The following FGF12 variants were observed in gnomAD, a reference collection of about 807,000 sequenced individuals.
FGF12 encodes fibroblast growth factor 12, also known as fibroblast growth factor 12B.
Under a neutral mutation model 23.6 loss-of-function variants are expected in FGF12, and 14 were observed. The observed-to-expected ratio is 0.59, with a 90% CI of 0.39 to 0.93. The LOEUF (loss-of-function observed/expected upper bound fraction) is 0.93. Ranked by LOEUF, FGF12 falls within the 40% of genes least tolerant of loss-of-function variation. The pLI is 0.00. For synonymous variants in FGF12, 62 were observed against 77.3 expected (o/e 0.80, Z 1.04); for missense variants, 175 against 217.8 (o/e 0.80, Z 1.24).
intron 2 of FGF12, among the ~76,000 whole-genome samples, chr3:192,567,185 C>A (rs535061000): frequency 6.6e-6 from 1 of 152,046 alleles, no homozygotes; most frequent in African/African-American, 2.4e-5. Flanking sequence ...AGACAAAGAT[C>A]AAAACTTTGT....
At chr3:192,442,590 T>A (rs1722231872) in intron 2 of FGF12, among the ~76,000 whole-genome samples, 1 of 152,200 alleles carries the variant, frequency 6.6e-6, no homozygotes, top group South Asian at 2.1e-4. Flanking sequence ...CACATGTTTT[T>A]CTTTGGAGAG....
intron 2 of FGF12, among the ~76,000 whole-genome samples, chr3:192,719,218 G>A (rs1718957444): frequency 6.6e-6 from 1 of 152,134 alleles, no homozygotes; most frequent in Non-Finnish European, 1.5e-5. Context: ...TTCCACCAGT[G>A]TGCATACTAC....
intron 2 of FGF12, among the ~76,000 whole-genome samples, chr3:192,406,826 G>T (rs73889324): frequency 3.3e-5 from 5 of 152,058 alleles, no homozygotes; most frequent in Non-Finnish European, 7.4e-5. Context: ...CCCAAGTGTC[G>T]CCCTTCATCC....
intron 2 of FGF12, among the ~76,000 whole-genome samples, chr3:192,455,981 T>C (rs1184592473): frequency 1.3e-5 from 2 of 152,110 alleles, no homozygotes; most frequent in Non-Finnish European, 2.9e-5. Context: ...GCAGAGGTGG[T>C]CCCCTAAAGC....
intron 2 of FGF12, among the ~76,000 whole-genome samples, chr3:192,720,768 T>G (rs1719015690): frequency 6.6e-6 from 1 of 152,200 alleles, no homozygotes; most frequent in Non-Finnish European, 1.5e-5. Flanking sequence ...CACATGTATG[T>G]GTTATAGTTT....
At chr3:192,209,481 A>G (rs1410868946) in intron 4 of FGF12, among the ~76,000 whole-genome samples, 1 of 152,182 alleles carries the variant, frequency 6.6e-6, no homozygotes, top group Non-Finnish European at 1.5e-5. Context: ...TTAAAGTGAA[A>G]ATTAATCTTA....
intron 4 of FGF12, among the ~76,000 whole-genome samples, chr3:192,294,117 CTT>C (rs765915733): frequency 6.6e-6 from 1 of 152,182 alleles, no homozygotes; most frequent in Non-Finnish European, 1.5e-5. Context: ...CTCATTCTCT[CTT>C]TGCCTGCTGC....
chr3:192,605,579 A>G (rs1422280458), intron 2 of FGF12, among the ~76,000 whole-genome samples: 1 of 152,152 alleles, frequency 6.6e-6, no homozygotes, highest in African/African-American at 2.4e-5. Context: ...GGGAGAAAAT[A>G]TTCACAACTT....
chr3:192,624,938 C>T (rs1715108901), intron 2 of FGF12, among the ~76,000 whole-genome samples: 2 of 152,072 alleles, frequency 1.3e-5, no homozygotes, highest in African/African-American at 2.4e-5. Context: ...TAATAAGAAG[C>T]AAATAGGGTA....
At chr3:192,534,817 C>T (rs1725186592) in intron 2 of FGF12, among the ~76,000 whole-genome samples, 1 of 151,978 alleles carries the variant, frequency 6.6e-6, no homozygotes, top group Non-Finnish European at 1.5e-5. Context: ...TTTAAAATTA[C>T]CGATTTTAGA....
chr3:192,585,145 G>A (rs150207040), intron 2 of FGF12, among the ~76,000 whole-genome samples: 12 of 152,146 alleles, frequency 7.9e-5, no homozygotes, highest in African/African-American at 2.9e-4. Flanking sequence ...AATATTTAAG[G>A]AACAAACTGC....
At chr3:192,268,933 G>A (rs1375837940) in intron 4 of FGF12, among the ~76,000 whole-genome samples, 1 of 151,426 alleles carries the variant, frequency 6.6e-6, no homozygotes, top group Non-Finnish European at 1.5e-5. Flanking sequence ...ATTTTTTTGA[G>A]ATGGAGTCTC....
At chr3:192,303,519 T>C (rs1205657839) in intron 4 of FGF12, among the ~76,000 whole-genome samples, 2 of 152,196 alleles carry the variant, frequency 1.3e-5, no homozygotes, top group African/African-American at 4.8e-5. Flanking sequence ...CAGTGAAGAC[T>C]GTATAGTGCA....
intron 4 of FGF12, among the ~76,000 whole-genome samples, chr3:192,185,901 GC>G (rs1284573808): frequency 3.3e-5 from 5 of 151,116 alleles, no homozygotes; most frequent in Admixed American, 2.6e-4. Context: ...TGGATCAGTA[GC>G]CTAAAAAATA....
chr3:192,333,441 A>G (rs2108696380), intron 4 of FGF12, among the ~76,000 whole-genome samples: 1 of 152,238 alleles, frequency 6.6e-6, no homozygotes, highest in East Asian at 1.9e-4. Context: ...TAATTCTTAC[A>G]TTTAAAATAG....
chr3:192,208,469 T>C (rs2108674616), intron 4 of FGF12, among the ~76,000 whole-genome samples: 1 of 152,330 alleles, frequency 6.6e-6, no homozygotes, highest in East Asian at 1.9e-4. Context: ...TGTCCACAGT[T>C]TCTCATCAGA....
chr3:192,539,325 AT>A lies in FGF12; in HGVS notation c.14-178788del, dbSNP rs545442472. On this transcript the variant is annotated intron_variant, in intron 2 of 5. Coordinates refer to ENST00000445105, the MANE Select transcript of FGF12 (RefSeq NM_004113.6). ...TGATGTATGTTTCTTCTATACCCAGATTTTTTTTAGGGTTTTTGTCATGAAA... is the reference window on the plus strand; with the variant it reads ...TGATGTATGTTTCTTCTATACCCAGATTTTTTTAGGGTTTTTGTCATGAAA... Among the ~76,000 whole-genome samples the A allele has an allele frequency of 1.3e-4, 20 of 151,960 alleles. No homozygotes were observed. In the East Asian group the frequency reaches 2.9e-3, roughly 22 times the overall value.
At chr3:192,715,214 CTACAT>C (rs1258223972) in intron 2 of FGF12, among the ~76,000 whole-genome samples, 1 of 152,172 alleles carries the variant, frequency 6.6e-6, no homozygotes, top group Non-Finnish European at 1.5e-5. Context: ...AAATCATCAC[CTACAT>C]TACATAATTT....
At chr3:192,178,593 G>A (rs1715992347) in intron 4 of FGF12, among the ~76,000 whole-genome samples, 1 of 152,076 alleles carries the variant, frequency 6.6e-6, no homozygotes, top group Non-Finnish European at 1.5e-5. Context: ...CCACCTCCCT[G>A]GTTCAAGCAA....
Sources: gnomAD v4.1 joint callset for allele counts (sites outside exome capture counted in the v4.1 genomes callset) on GRCh38, gnomAD v4.1.1 for gene constraint, MANE v1.5 for transcripts, NCBI Gene and HGNC (gene_info 2026-07-23, HGNC 2026-07-21) for gene names.